Variants in PAX3 observed in about 807,000 individuals in gnomAD.
The protein encoded by PAX3 is paired box protein Pax-3.
In PAX3, 14 loss-of-function variants were observed where a neutral mutation model predicts 51.6. That is an observed-to-expected ratio of 0.27 (90% confidence interval 0.18 to 0.42). The LOEUF is 0.42. Ranked by LOEUF, PAX3 falls within the 10% of genes least tolerant of loss-of-function variation. The pLI is 1.00. For synonymous variants in PAX3, 280 were observed against 253.4 expected, an observed-to-expected ratio of 1.11 and a Z score of -1.00; for missense variants, 540 against 642.8, an observed-to-expected ratio of 0.84 and a Z score of 1.73.
intron 4 of PAX3, among the ~76,000 whole-genome samples, chr2:222,261,321 C>A (rs1693853276): frequency 1.3e-5 from 2 of 152,128 alleles, no homozygotes; most frequent in South Asian, 2.1e-4. Context: ...ATATTTTAAG[C>A]TCATTTTCAT....
At chr2:222,246,489 G>A (rs1254764409) in intron 4 of PAX3, among the ~76,000 whole-genome samples, 1 of 152,032 alleles carries the variant, frequency 6.6e-6, no homozygotes, top group East Asian at 1.9e-4. Flanking sequence ...AATAAAATTT[G>A]AGCAATGTCT....
chr2:222,229,295 A>G (rs1050784037), intron 5 of PAX3, among the ~76,000 whole-genome samples: 1 of 150,410 alleles, frequency 6.6e-6, no homozygotes, highest in Non-Finnish European at 1.5e-5. Context: ...AGTATTATAT[A>G]ATATTACTAT....
chr2:222,202,714 C>A (rs1298576224), intron 7 of PAX3, among the ~76,000 whole-genome samples: 1 of 149,912 alleles, frequency 6.7e-6, no homozygotes, highest in Non-Finnish European at 1.5e-5. Flanking sequence ...AAATAGTGTT[C>A]CCTCTCAAGA....
chr2:222,262,895 C>T (rs1016099033), intron 4 of PAX3: 7 of 152,190 alleles, frequency 4.6e-5, no homozygotes, highest in East Asian at 3.9e-4. Context: ...ACTTTTCAAC[C>T]AACAGTGTTG....
chr2:222,293,483 A>G (rs777517029), intron 4 of PAX3: 34 of 691,860 alleles, frequency 4.9e-5, no homozygotes, highest in Non-Finnish European at 8.0e-5. Flanking sequence ...AGGAATGGGG[A>G]TCTGTACCCC....
chr2:222,298,725 C>G lies in PAX3; in HGVS notation c.-110G>C. On this transcript the variant is annotated 5_prime_UTR_variant, in exon 1 of 9. Transcript: ENST00000392070. Reference sequence around the variant, plus strand: ...ATCCGGAGCGTGGAGAGCCCCTCCCCAAAACGGCTGGAGAGAGAGGGAGGG... The same window carrying G: ...ATCCGGAGCGTGGAGAGCCCCTCCCGAAAACGGCTGGAGAGAGAGGGAGGG... 1 of 1,092,216 alleles carries G rather than the reference C, an allele frequency of 9.2e-7. No homozygotes were observed. Among genetic ancestry groups the G allele is most frequent in the South Asian group, 1.3e-5 (1 of 74,354 alleles). 67.7% of individuals were successfully genotyped at this position (1,092,216 alleles called of 1,614,324 possible). A position where few individuals can be genotyped will look rare whatever the true frequency, so the allele number is the denominator to read the frequency against.
At position 222,201,303 on chromosome 2, in the gene PAX3, C is replaced by G; in HGVS notation, c.*105G>C. The G allele has an allele frequency of 6.2e-7, 1 of 1,612,652 alleles. No individual in the cohort carries two copies. The highest frequency in any genetic ancestry group is 8.5e-7 in the Non-Finnish European group (1 of 1,179,456). On this transcript the variant is annotated 3_prime_UTR_variant, in exon 9 of 9. Transcript: ENST00000392070. ...CCTATTGGGACCACTGCCCCACCCC[C>G]CCCAACAAAAGGGTAATTTTTTTTT...
rs57076966 is a variant in PAX3 at position 222,279,304 on chromosome 2, CGT to C, written c.586+14861_586+14862del. Among the ~76,000 whole-genome samples, 426 of 148,070 alleles carry C rather than the reference CGT, an allele frequency of 2.9e-3. 3 individuals are homozygous for C. The highest frequency in any genetic ancestry group is 7.1e-3 in the African/African-American group (286 of 40,282). ...AGGTAGAGCTGAGTGCAAGCCTGTG[CGT>C]GTGTGTGTGTGTGTGTGTGTGTGTG... is the stretch of plus-strand genomic sequence containing the variant. On this transcript the variant is annotated intron_variant, in intron 4 of 8. Coordinates refer to ENST00000392070, the MANE Select transcript of PAX3 (RefSeq NM_181458.4).
chr2:222,281,479 A>T (rs1041493199), intron 4 of PAX3, among the ~76,000 whole-genome samples: 1 of 152,240 alleles, frequency 6.6e-6, no homozygotes, highest in Non-Finnish European at 1.5e-5. Flanking sequence ...TCCCTGGAGG[A>T]TGGCTCTGCC....
chr2:222,286,325 A>T (rs1307216623), intron 4 of PAX3, among the ~76,000 whole-genome samples: 1 of 152,272 alleles, frequency 6.6e-6, no homozygotes, highest in Non-Finnish European at 1.5e-5. Flanking sequence ...TGATATTCAC[A>T]TACTATTACA....
chr2:222,254,957 A>G (rs1693583451), intron 4 of PAX3, among the ~76,000 whole-genome samples: 1 of 151,928 alleles, frequency 6.6e-6, no homozygotes, highest in African/African-American at 2.4e-5. Flanking sequence ...TAATTTTTGT[A>G]TTTTTAGAAG....
At chr2:222,264,370 G>A (rs1333991949) in intron 4 of PAX3, 2 of 152,182 alleles carry the variant, frequency 1.3e-5, no homozygotes, top group Non-Finnish European at 2.9e-5. Context: ...AATGCAGATT[G>A]ATGATTGCCA....
chr2:222,214,638 G>A (rs1277611570), intron 7 of PAX3: 1 of 152,042 alleles, frequency 6.6e-6, no homozygotes. Flanking sequence ...GGATAAACTT[G>A]ATGAGATCTG....
At chr2:222,250,068 T>C (rs751947772) in intron 4 of PAX3, among the ~76,000 whole-genome samples, 3 of 152,128 alleles carry the variant, frequency 2.0e-5, no homozygotes, top group Non-Finnish European at 4.4e-5. Context: ...CTTTATGTCC[T>C]ACCCTTAAAG....
At chr2:222,216,826 G>C (rs967811392) in intron 7 of PAX3, among the ~76,000 whole-genome samples, 2 of 152,072 alleles carry the variant, frequency 1.3e-5, no homozygotes, top group African/African-American at 4.8e-5. Flanking sequence ...ACATACTCTA[G>C]CTCACAATTT....
intron 7 of PAX3, among the ~76,000 whole-genome samples, chr2:222,218,119 T>G (rs1692036487): frequency 6.6e-6 from 1 of 152,180 alleles, no homozygotes; most frequent in Admixed American, 6.5e-5. Context: ...CCCTGCATAT[T>G]GCAATGTAAT....
At position 222,221,385 on chromosome 2, in the gene PAX3, G is replaced by A. The variant is rs1326377025; in HGVS notation, c.795C>T (p.Val265=). 1.2e-6 allele frequency: 2 copies of A among 1,613,160 alleles called. No homozygotes were observed. Among genetic ancestry groups the A allele is most frequent in the Admixed American group, 1.7e-5 (1 of 60,010 alleles). ...RAKLTEARVQ[V]WFSNRRARWR... is the part of the protein sequence containing the mutation. ...ATCTTGCACGGCGGTTGCTAAACCA[G>A]ACCTATGGATTTAATTTAAAATTTA... Residue 265 remains valine, a splice_region_variant and synonymous_variant, in exon 6 of 9, where the codon GTC becomes GTT. Coordinates refer to ENST00000392070, the MANE Select transcript of PAX3 (RefSeq NM_181458.4).
intron 7 of PAX3, among the ~76,000 whole-genome samples, chr2:222,213,390 G>A (rs575905811): frequency 3.0e-4 from 46 of 152,264 alleles, no homozygotes; most frequent in African/African-American, 1.1e-3. Flanking sequence ...TCCATGAGCA[G>A]AACATCTCGA....
chr2:222,251,524 C>T (rs941026434), intron 4 of PAX3, among the ~76,000 whole-genome samples: 21 of 152,052 alleles, frequency 1.4e-4, no homozygotes, highest in Non-Finnish European at 3.1e-4. Flanking sequence ...GGACATTTGG[C>T]TTGGTTCCAA....
Sources: allele counts gnomAD v4.1 joint callset (sites outside exome capture counted in the v4.1 genomes callset), GRCh38; gene constraint gnomAD v4.1.1; transcripts MANE v1.5; gene names NCBI Gene and HGNC (gene_info 2026-07-23, HGNC 2026-07-21).